The following GLG1 variants were observed in gnomAD, a reference collection of about 807,000 sequenced individuals.
GLG1 encodes the protein golgi glycoprotein 1, also known as Golgi apparatus protein 1.
A neutral mutation model predicts 160.5 loss-of-function variants in GLG1; 38 were observed. The ratio of observed to expected loss-of-function variants is 0.24; its 90% CI spans 0.18 to 0.31. The LOEUF is 0.31. Among genes scored for constraint, GLG1 ranks in the 10% least tolerant of loss-of-function variants. GLG1 has a pLI of 1.00. For synonymous variants in GLG1, 644 were observed against 543.4 expected (o/e 1.19, Z -2.57); for missense variants, 1,373 against 1,505.2 (o/e 0.91, Z 1.45).
At chr16:74,555,162 T>C (rs1309397387) in intron 1 of GLG1, among the ~76,000 whole-genome samples, 99 of 152,232 alleles carry the variant, frequency 6.5e-4, no homozygotes, top group African/African-American at 2.3e-3. Context: ...ATGATCACTA[T>C]GGTGGTGTTA....
At chr16:74,524,308 T>G (rs1185631919) in intron 2 of GLG1, among the ~76,000 whole-genome samples, 4 of 152,244 alleles carry the variant, frequency 2.6e-5, no homozygotes, top group Non-Finnish European at 5.9e-5. Context: ...GGCTAGGACC[T>G]CTACGATAAT....
chr16:74,539,274 G>A lies in GLG1; in HGVS notation c.439-7121C>T, dbSNP rs574490343. On this transcript the variant is annotated intron_variant, in intron 1 of 25. Coordinates refer to ENST00000422840, the MANE Select transcript of GLG1 (RefSeq NM_001145667.2). ...TTACTTGTGTGCTTCCCAAGTGGAC[G>A]GTGGGATAACAGTTGTCAAATATTA... Among the ~76,000 whole-genome samples the A allele has an allele frequency of 2.0e-3, 298 of 151,102 alleles. 1 individual carries two copies. The highest frequency in any genetic ancestry group is 6.8e-3 in the African/African-American group (281 of 41,178).
chr16:74,509,068 A>C (rs982285197), intron 2 of GLG1, 143 bp from the exon 3 acceptor site: 1 of 444,906 alleles, frequency 2.2e-6, no homozygotes, highest in Non-Finnish European at 4.0e-6. Context: ...AAGTAGGATA[A>C]AATGCCATCA....
At chr16:74,562,358 T>C (rs967763373) in intron 1 of GLG1, among the ~76,000 whole-genome samples, 4 of 152,248 alleles carry the variant, frequency 2.6e-5, no homozygotes, top group African/African-American at 9.6e-5. Flanking sequence ...CCACTAATAA[T>C]AGAACCTCAT....
intron 1 of GLG1, among the ~76,000 whole-genome samples, chr16:74,572,099 G>C (rs926703352): frequency 5.9e-5 from 9 of 152,138 alleles, no homozygotes; most frequent in African/African-American, 2.2e-4. Flanking sequence ...AAAAACCAAG[G>C]CATGATTGGA....
intron 13 of GLG1, 75 bp from the exon 14 acceptor site, chr16:74,472,486 G>A (rs976655183): frequency 1.3e-5 from 18 of 1,354,858 alleles, no homozygotes; most frequent in East Asian, 2.4e-5. Flanking sequence ...TTCTCTTTCT[G>A]AATCAGTAAT....
At chr16:74,502,722 GTTTTTTT>G (rs745410150) in intron 4 of GLG1, among the ~76,000 whole-genome samples, 3 of 109,588 alleles carry the variant, frequency 2.7e-5, no homozygotes, top group Non-Finnish European at 5.4e-5. Context: ...TTTGTTTTTG[GTTTTTTT>G]TTTTTTTTTT....
chr16:74,537,069 G>A (rs2017706676), intron 1 of GLG1, among the ~76,000 whole-genome samples: 4 of 152,146 alleles, frequency 2.6e-5, no homozygotes, highest in Admixed American at 2.6e-4. Flanking sequence ...GTTATGAAAA[G>A]TATAATAAAT....
chr16:74,595,303 C>G (rs773412693), intron 1 of GLG1, among the ~76,000 whole-genome samples: 1 of 146,944 alleles, frequency 6.8e-6, no homozygotes, highest in African/African-American at 2.5e-5. Context: ...TTTGGGAGGC[C>G]GAGGCAGGCA....
intron 1 of GLG1, among the ~76,000 whole-genome samples, chr16:74,598,330 G>A (rs1958353986): frequency 2.0e-5 from 3 of 150,264 alleles, no homozygotes; most frequent in Admixed American, 1.3e-4. Flanking sequence ...GACCATCCTG[G>A]CCAACATGGT....
At chr16:74,582,679 C>T (rs971146680) in intron 1 of GLG1, among the ~76,000 whole-genome samples, 36 of 151,658 alleles carry the variant, frequency 2.4e-4, no homozygotes, top group African/African-American at 8.5e-4. Flanking sequence ...ATTAGCCGGG[C>T]GTGGTGGCGG....
At chr16:74,542,853 T>C (rs181931782) in intron 1 of GLG1, among the ~76,000 whole-genome samples, 89 of 151,752 alleles carry the variant, frequency 5.9e-4, no homozygotes, top group African/African-American at 2.1e-3. Context: ...GACAATACCA[T>C]TAATGTTTAC....
chr16:74,558,486 TATA>T (rs1164177377), intron 1 of GLG1, among the ~76,000 whole-genome samples: 2 of 152,256 alleles, frequency 1.3e-5, no homozygotes, highest in African/African-American at 4.8e-5. Flanking sequence ...TTTAGGATTT[TATA>T]ATATTTGTTA....
At chr16:74,568,820 C>T (rs1379840303) in intron 1 of GLG1, among the ~76,000 whole-genome samples, 1 of 152,198 alleles carries the variant, frequency 6.6e-6, no homozygotes, top group Non-Finnish European at 1.5e-5. Context: ...CAGTTATCTG[C>T]TTCTGGAAGT....
intron 1 of GLG1, among the ~76,000 whole-genome samples, chr16:74,572,484 G>T (rs2018857081): frequency 6.8e-6 from 1 of 146,580 alleles, no homozygotes; most frequent in South Asian, 2.1e-4. Context: ...CTGCCCTCCA[G>T]CCTGGGAAAC....
chr16:74,479,073 A>AAAAAAAAAAAAAAAAAAAG (rs1567469672), intron 11 of GLG1, among the ~76,000 whole-genome samples: 1 of 134,312 alleles, frequency 7.4e-6, no homozygotes, highest in African/African-American at 2.8e-5. Context: ...AAAAAAAAAA[A>AAAAAAAAAAAAAAAAAAAG]AAAAAGCCAG....
At chr16:74,552,977 G>A (rs550173974) in intron 1 of GLG1, among the ~76,000 whole-genome samples, 1 of 152,146 alleles carries the variant, frequency 6.6e-6, no homozygotes, top group South Asian at 2.1e-4. Flanking sequence ...CCTGCACTTT[G>A]GGAGGCAGAG....
chr16:74,463,500 A>G (rs769230376), intron 19 of GLG1, 21 bp from the exon 20 acceptor site: 4 of 1,612,750 alleles, frequency 2.5e-6, no homozygotes. Flanking sequence ...ACAGTTTGAT[A>G]AAAACAGCTA....
intron 21 of GLG1, 105 bp from the exon 22 acceptor site, chr16:74,462,300 G>A: frequency 1.2e-6 from 1 of 809,938 alleles, no homozygotes. Flanking sequence ...ACAAGAACAA[G>A]AAAAAAACAA....
Sources: gnomAD v4.1 joint callset for allele counts (sites outside exome capture counted in the v4.1 genomes callset) on GRCh38, gnomAD v4.1.1 for gene constraint, MANE v1.5 for transcripts, NCBI Gene and HGNC (gene_info 2026-07-23, HGNC 2026-07-21) for gene names.